Variants in SOBP observed in about 807,000 individuals in gnomAD.
SOBP encodes the protein sine oculis binding protein homolog, also known as sine oculis-binding protein homolog.
In SOBP, 4 loss-of-function variants were observed where a neutral mutation model predicts 53.6. The ratio of observed to expected loss-of-function variants is 0.07; its 90% CI spans 0.04 to 0.17. The LOEUF is 0.17. SOBP is among the 10% of genes least tolerant of loss of function. SOBP has a pLI of 1.00. For missense variants in SOBP, 1,088 were observed against 1,204.7 expected, an observed-to-expected ratio of 0.90 and a Z score of 1.43; for synonymous variants, 584 against 522.6, an observed-to-expected ratio of 1.12 and a Z score of -1.60.
intron 1 of SOBP, among the ~76,000 whole-genome samples, chr6:107,503,419 T>G (rs1342767643): frequency 6.6e-6 from 1 of 152,222 alleles, no homozygotes; most frequent in Non-Finnish European, 1.5e-5. Context: ...TAGTTAGTCT[T>G]TTTTGTCTTA....
intron 3 of SOBP, among the ~76,000 whole-genome samples, chr6:107,525,555 T>A (rs1287270449): frequency 6.6e-6 from 1 of 152,254 alleles, no homozygotes; most frequent in Non-Finnish European, 1.5e-5. Context: ...TGTGGACTTT[T>A]CCCTGTCTGC....
At chr6:107,544,774 G>T (rs1216923857) in intron 4 of SOBP, among the ~76,000 whole-genome samples, 1 of 151,916 alleles carries the variant, frequency 6.6e-6, no homozygotes, top group East Asian at 1.9e-4. Flanking sequence ...ATATTCCCTG[G>T]AATGATAACC....
At chr6:107,535,485 A>C (rs116869455) in intron 4 of SOBP, among the ~76,000 whole-genome samples, 1 of 152,192 alleles carries the variant, frequency 6.6e-6, no homozygotes, top group Non-Finnish European at 1.5e-5. Context: ...AAGTTGCAGC[A>C]GTTTGGTGTT....
At chr6:107,653,407 G>T (rs931859624) in intron 6 of SOBP, among the ~76,000 whole-genome samples, 1 of 152,232 alleles carries the variant, frequency 6.6e-6, no homozygotes, top group African/African-American at 2.4e-5. Flanking sequence ...CAGCGTTGCC[G>T]CAGCCAGCAC....
intron 4 of SOBP, among the ~76,000 whole-genome samples, chr6:107,570,841 G>GACTTTATTTGAATT (rs1469692113): frequency 1.3e-5 from 2 of 152,200 alleles, no homozygotes; most frequent in Admixed American, 1.3e-4. Flanking sequence ...TTTCTTCCTT[G>GACTTTATTTGAATT]ACTTTATTTG....
chr6:107,518,215 C>A (rs1783377058), intron 3 of SOBP, among the ~76,000 whole-genome samples: 1 of 152,052 alleles, frequency 6.6e-6, no homozygotes, highest in Admixed American at 6.6e-5. Context: ...AAGAAAATAT[C>A]CAAGTTATCA....
chr6:107,546,656 T>G (rs935247399), intron 4 of SOBP, among the ~76,000 whole-genome samples: 2 of 152,306 alleles, frequency 1.3e-5, no homozygotes, highest in African/African-American at 2.4e-5. Context: ...CTCTAAGGAA[T>G]GACAGAACAG....
rs143600830 is a variant in SOBP at position 107,505,735 on chromosome 6, C to T, written c.236-507C>T. On this transcript the variant is annotated intron_variant, in intron 2 of 6. Transcript: ENST00000317357. ...GCATGATCTCAGCTCACTGCAACCT[C>T]GGCCTCGCAGATTCAAGTGATTCTC... Among the ~76,000 whole-genome samples, 995 of 152,326 alleles carry T rather than the reference C, an allele frequency of 6.5e-3. 31 individuals carry two copies. The East Asian group carries it at 0.09, about 14-fold the overall frequency.
intron 6 of SOBP, among the ~76,000 whole-genome samples, chr6:107,656,313 A>AAAAC (rs1554193524): frequency 1.4e-4 from 6 of 44,016 alleles, no homozygotes; most frequent in Non-Finnish European, 3.8e-4. Context: ...GAAAGAAAGA[A>AAAAC]AGAAAGAAAG....
rs1562114364 is a variant in SOBP, at chr6:107,633,630, T to A, written c.786T>A (p.Ile262=). ...GTCTCAATCAATACAAAATGGACAT[T>A]TTCTACAAAGAGACCCAGGCCAATC... The part of the protein sequence containing the change: ...AKCLNQYKMD[I]FYKETQANLP... The change falls in exon 6 of 7, where the codon ATT becomes ATA. Residue 262 remains isoleucine (I), a synonymous_variant. Coordinates refer to ENST00000317357, the MANE Select transcript of SOBP (RefSeq NM_018013.4). 3.1e-6 allele frequency: 5 copies of A among 1,614,206 alleles called. No homozygotes were observed. Among genetic ancestry groups the A allele is most frequent in the Middle Eastern group, 3.3e-4 (2 of 6,062 alleles).
intron 1 of SOBP, among the ~76,000 whole-genome samples, chr6:107,501,199 C>T (rs1374158465): frequency 6.6e-6 from 1 of 152,150 alleles, no homozygotes; most frequent in Non-Finnish European, 1.5e-5. Context: ...GTAAACTAAA[C>T]TGATGTAGTT....
chr6:107,655,962 T>C (rs1484947175), intron 6 of SOBP, among the ~76,000 whole-genome samples: 2 of 152,202 alleles, frequency 1.3e-5, no homozygotes, highest in African/African-American at 4.8e-5. Flanking sequence ...ATGGCGGTGT[T>C]TCCCAGTTTA....
At chr6:107,555,734 A>G (rs1171699204) in intron 4 of SOBP, among the ~76,000 whole-genome samples, 1 of 152,256 alleles carries the variant, frequency 6.6e-6, no homozygotes, top group Non-Finnish European at 1.5e-5. Flanking sequence ...AAAATAACCC[A>G]GGGCATCTGC....
intron 3 of SOBP, among the ~76,000 whole-genome samples, chr6:107,517,025 G>A (rs752539643): frequency 4.6e-5 from 7 of 152,136 alleles, no homozygotes; most frequent in Non-Finnish European, 7.4e-5. Context: ...TTTTTAAAAT[G>A]TATATGGAGA....
intron 3 of SOBP, 152 bp from the exon 4 acceptor site, chr6:107,533,307 A>AAGAG (rs1173985012): frequency 1.1e-5 from 5 of 442,542 alleles, no homozygotes; most frequent in Admixed American, 3.9e-5. Flanking sequence ...GAGAGAGAGA[A>AAGAG]AGAGAGAGAG....
chr6:107,640,378 C>T (rs962435862), intron 6 of SOBP, among the ~76,000 whole-genome samples: 2 of 152,210 alleles, frequency 1.3e-5, no homozygotes, highest in African/African-American at 2.4e-5. Flanking sequence ...TGGTCCAGTA[C>T]TTGACTATTG....
chr6:107,495,770 A>C (rs182582831), intron 1 of SOBP, among the ~76,000 whole-genome samples: 106 of 152,326 alleles, frequency 7.0e-4, no homozygotes, highest in Middle Eastern at 3.4e-3. Context: ...GTCTCTTGTT[A>C]GGGTAACCAA....
chr6:107,603,691 A>G (rs1273372617), intron 5 of SOBP, among the ~76,000 whole-genome samples: 1 of 152,150 alleles, frequency 6.6e-6, no homozygotes, highest in Non-Finnish European at 1.5e-5. Context: ...AAGCTAGCAT[A>G]TCCATGGCAG....
chr6:107,634,263 A>G lies in SOBP; in HGVS notation c.1419A>G (p.Pro473=), dbSNP rs1226628501. 1 of 1,304,784 alleles carries G rather than the reference A, an allele frequency of 7.7e-7. No homozygotes were observed. The highest frequency in any genetic ancestry group is 9.8e-7 in the Non-Finnish European group (1 of 1,022,878). 80.8% of individuals were successfully genotyped at this position (1,304,784 alleles called of 1,614,324 possible). ...PSTPTMPGNP[P]GLLPPPPPGA... ...CCCCCACCATGCCCGGGAACCCCCC[A>G]GGCCTGCTGCCCCCGCCGCCTCCGG... The change falls in exon 6 of 7, where the codon CCA becomes CCG. Residue 473 remains proline (P), a synonymous_variant. Transcript: ENST00000317357. The surrounding 1 kb of genome is among the most constrained non-coding windows in gnomAD (Gnocchi z 4.5).
Sources: gnomAD v4.1 joint callset for allele counts (sites outside exome capture counted in the v4.1 genomes callset) on GRCh38, gnomAD v4.1.1 for gene constraint, Gnocchi (gnomAD v3.1) non-coding constraint, MANE v1.5 for transcripts, NCBI Gene and HGNC (gene_info 2026-07-23, HGNC 2026-07-21) for gene names.